Variants in HMCN1 observed in about 807,000 individuals in gnomAD.
HMCN1 encodes hemicentin-1.
Under a neutral mutation model 625.9 loss-of-function variants are expected in HMCN1, and 321 were observed. That is an observed-to-expected ratio of 0.51 (90% CI 0.47 to 0.56). HMCN1 has a LOEUF of 0.56. Among genes scored for constraint, HMCN1 ranks in the 20% least tolerant of loss-of-function variants. HMCN1 has a pLI of 0.00. For missense variants in HMCN1, 6,588 were observed against 6,887.3 expected (o/e 0.96, Z 1.54); for synonymous variants, 2,425 against 2,417.6 (o/e 1.00, Z -0.09).
chr1:185,982,460 T>A, intron 18 of HMCN1, 71 bp downstream of exon 18: 1 of 1,408,826 alleles, frequency 7.1e-7, no homozygotes, highest in Non-Finnish European at 9.9e-7. Context: ...TTTTTTTCTT[T>A]GAGACAGTTT....
chr1:185,928,132 A>G (rs946335367), intron 9 of HMCN1, among the ~76,000 whole-genome samples: 1 of 152,144 alleles, frequency 6.6e-6, no homozygotes, highest in Non-Finnish European at 1.5e-5. Flanking sequence ...AGAATCAAAA[A>G]GTAGATTTCC....
intron 1 of HMCN1, among the ~76,000 whole-genome samples, chr1:185,777,228 G>A (rs553613235): frequency 2.2e-4 from 34 of 151,570 alleles, no homozygotes; most frequent in Non-Finnish European, 3.2e-4. Context: ...TGGAAATTTC[G>A]TGCTGTCTCC....
At chr1:186,167,035 A>T in intron 100 of HMCN1, 93 bp downstream of exon 100, 1 of 1,495,404 alleles carries the variant, frequency 6.7e-7, no homozygotes, top group Non-Finnish European at 9.3e-7. Flanking sequence ...CAGAAACTCC[A>T]CGAGGAAGGG....
intron 29 of HMCN1, among the ~76,000 whole-genome samples, chr1:186,006,639 C>T (rs1229434326): frequency 6.6e-6 from 1 of 151,372 alleles, no homozygotes; most frequent in Non-Finnish European, 1.5e-5. Context: ...ATGATTATTG[C>T]CTTTAGTAAA....
At chr1:185,761,411 T>G (rs1655494272) in intron 1 of HMCN1, among the ~76,000 whole-genome samples, 1 of 152,194 alleles carries the variant, frequency 6.6e-6, no homozygotes, top group Admixed American at 6.5e-5. Context: ...CCCATTTTCC[T>G]TGTCACATTA....
chr1:185,793,655 T>C (rs1042052328), intron 1 of HMCN1, among the ~76,000 whole-genome samples: 2 of 152,240 alleles, frequency 1.3e-5, no homozygotes, highest in Non-Finnish European at 2.9e-5. Context: ...TAACTAAGAT[T>C]TAAAATGCTG....
In HMCN1 at chr1:185,864,592, T is replaced by A. The variant is rs779357269; in HGVS notation, c.462T>A (p.His154Gln). 6.2e-7 allele frequency: 1 copy of A among 1,614,064 alleles called. No individual in the cohort carries two copies. Among genetic ancestry groups the A allele is most frequent in the Admixed American group, 1.7e-5 (1 of 60,006 alleles). ...GGTCCAAAGATTACCGGCTCACCCA[T>A]GAGGTGCTGCAACTTATCCAACAGA... ...DARSKDYRLTHEVLQLIQQKQ... is the reference protein window; with the variant it reads ...DARSKDYRLTQEVLQLIQQKQ... Residue 154 changes from histidine to glutamine, a missense_variant, in exon 3 of 107, where the codon CAT becomes CAA. This residue lies in a region of HMCN1 where 4,628 missense variants were observed against 4,853.1 expected (regional missense o/e 0.95). Transcript: ENST00000271588.
intron 103 of HMCN1, among the ~76,000 whole-genome samples, chr1:186,178,112 T>G (rs1652711826): frequency 6.6e-6 from 1 of 152,206 alleles, no homozygotes; most frequent in African/African-American, 2.4e-5. Flanking sequence ...CAAAGGGGTA[T>G]GAACTTACAG....
chr1:185,984,963 G>A (rs912023410), intron 19 of HMCN1, among the ~76,000 whole-genome samples: 6 of 152,056 alleles, frequency 3.9e-5, no homozygotes, highest in African/African-American at 1.4e-4. Context: ...AAAAACCATT[G>A]CATTAAAAAT....
At chr1:186,121,973 A>G (rs989650771) in intron 80 of HMCN1, among the ~76,000 whole-genome samples, 2 of 152,196 alleles carry the variant, frequency 1.3e-5, no homozygotes, top group Non-Finnish European at 2.9e-5. Context: ...AGTTGAGTCA[A>G]GTAGGATAAG....
chr1:185,761,038 G>A (rs1257302699), intron 1 of HMCN1, among the ~76,000 whole-genome samples: 1 of 152,076 alleles, frequency 6.6e-6, no homozygotes, highest in African/African-American at 2.4e-5. Flanking sequence ...AGTAGAAAGT[G>A]GGTATGAGTT....
chr1:186,106,796 G>T, intron 69 of HMCN1, 88 bp from the exon 70 acceptor site: 1 of 942,818 alleles, frequency 1.1e-6, no homozygotes, highest in South Asian at 1.3e-5. Context: ...TTGGTGTGGG[G>T]TTATTTACAT....
At position 185,877,590 on chromosome 1, in the gene HMCN1, C is replaced by T. The variant is rs566534004; in HGVS notation, c.621+11727C>T. Among the ~76,000 whole-genome samples, 9 of 151,752 alleles carry T rather than the reference C, an allele frequency of 5.9e-5. No individual in the cohort carries two copies. In the East Asian group the frequency reaches 1.5e-3, roughly 26 times the overall value. Reference sequence around the variant, plus strand: ...TTTAACAATATTGATTCTTCTAATCCACGAGCACAGGATGATTTTTGATTT... The same window carrying T: ...TTTAACAATATTGATTCTTCTAATCTACGAGCACAGGATGATTTTTGATTT... On this transcript the variant is annotated intron_variant, in intron 4 of 106. Transcript: ENST00000271588.
intron 89 of HMCN1, among the ~76,000 whole-genome samples, chr1:186,139,768 G>A (rs906699813): frequency 1.3e-5 from 2 of 152,006 alleles, no homozygotes; most frequent in Admixed American, 6.6e-5. Flanking sequence ...CACATTGGTA[G>A]GTAAATATCA....
At chr1:185,828,830 A>AT (rs1214527450) in intron 1 of HMCN1, among the ~76,000 whole-genome samples, 1 of 152,136 alleles carries the variant, frequency 6.6e-6, no homozygotes, top group Non-Finnish European at 1.5e-5. Flanking sequence ...TAATATAAAC[A>AT]TGACATATCA....
intron 1 of HMCN1, among the ~76,000 whole-genome samples, chr1:185,799,739 ATAATGGGCTGT>A (rs1461015616): frequency 6.6e-6 from 1 of 152,120 alleles, no homozygotes; most frequent in Non-Finnish European, 1.5e-5. Context: ...AGCAGATGTT[ATAATGGGCTGT>A]GCAGGTGACC....
rs865872903 is a variant in HMCN1, at chr1:185,797,944, C to T, written c.269-48082C>T. Among the ~76,000 whole-genome samples the T allele has an allele frequency of 1.3e-4, 12 of 91,562 alleles. No homozygotes were observed. In the South Asian group the frequency reaches 1.4e-3, roughly 10 times the overall value. The allele number at this position is 91,562 out of a possible 152,430, so 60.1% of individuals were successfully genotyped here. A position where few individuals can be genotyped will look rare whatever the true frequency, so the allele number is the denominator to read the frequency against. ...TCCCGCCACTGCACTCCAGCCTGGG[C>T]GACAGAGCGAGACTCCGTCTCAAAA... is the stretch of plus-strand genomic sequence containing the variant. On this transcript the variant is annotated intron_variant, in intron 1 of 106. Coordinates refer to ENST00000271588, the MANE Select transcript of HMCN1 (RefSeq NM_031935.3).
intron 1 of HMCN1, among the ~76,000 whole-genome samples, chr1:185,787,120 T>C (rs1359495695): frequency 5.3e-5 from 8 of 151,102 alleles, no homozygotes; most frequent in Non-Finnish European, 8.8e-5. Flanking sequence ...AAAGAGAAAA[T>C]TGTATGAAGC....
chr1:186,061,234 C>A (rs1387667163), intron 46 of HMCN1, among the ~76,000 whole-genome samples: 1 of 152,072 alleles, frequency 6.6e-6, no homozygotes, highest in Non-Finnish European at 1.5e-5. Context: ...TTCTGCATGT[C>A]TGGGGAGGCC....
Sources: allele counts gnomAD v4.1 joint callset (sites outside exome capture counted in the v4.1 genomes callset), GRCh38; gene constraint gnomAD v4.1.1; regional missense constraint gnomAD v4.1.1; transcripts MANE v1.5; gene names NCBI Gene and HGNC (gene_info 2026-07-23, HGNC 2026-07-21).